JAZF1: variants seen among roughly 807,000 people sequenced by gnomAD.
JAZF1 encodes the protein JAZF zinc finger 1.
JAZF1 carries 8 observed loss-of-function variants against 26.4 expected under a neutral mutation model. That is an observed-to-expected ratio of 0.30 (90% confidence interval 0.18 to 0.55). JAZF1 has a LOEUF of 0.55. JAZF1 is among the 20% of genes least tolerant of loss of function. The pLI, the probability that JAZF1 is intolerant of heterozygous loss-of-function variation, is 0.94. For synonymous variants in JAZF1, 126 were observed against 122.3 expected (o/e 1.03, Z -0.20); for missense variants, 199 against 322.0 (o/e 0.62, Z 2.92).
At chr7:28,027,472 G>A (rs561456056) in intron 1 of JAZF1, among the ~76,000 whole-genome samples, 2 of 152,234 alleles carry the variant, frequency 1.3e-5, no homozygotes, top group African/African-American at 4.8e-5. Context: ...GTTACCATTG[G>A]CATATTGATA....
At chr7:27,930,078 C>T (rs1396065867) in intron 2 of JAZF1, among the ~76,000 whole-genome samples, 1 of 151,966 alleles carries the variant, frequency 6.6e-6, no homozygotes, top group Admixed American at 6.6e-5. Context: ...TCACTGCAAG[C>T]TCTGCCTCCC....
At chr7:27,974,635 G>T (rs1785436130) in intron 2 of JAZF1, among the ~76,000 whole-genome samples, 2 of 152,142 alleles carry the variant, frequency 1.3e-5, no homozygotes, top group Non-Finnish European at 2.9e-5. Context: ...TAAGTAGAGA[G>T]GCACATATTA....
chr7:27,988,276 G>C (rs1178546507), intron 2 of JAZF1, among the ~76,000 whole-genome samples: 1 of 151,844 alleles, frequency 6.6e-6, no homozygotes, highest in East Asian at 1.9e-4. Flanking sequence ...GGATATTTAG[G>C]TTAGGTCTAT....
chr7:27,842,703 T>C (rs1486198389), intron 3 of JAZF1: 1 of 152,248 alleles, frequency 6.6e-6, no homozygotes, highest in Non-Finnish European at 1.5e-5. Flanking sequence ...AGTAGGGCAT[T>C]GTTTAAGACA....
intron 1 of JAZF1, among the ~76,000 whole-genome samples, chr7:28,044,543 GA>G (rs1446129856): frequency 2.6e-5 from 4 of 152,124 alleles, no homozygotes; most frequent in African/African-American, 9.7e-5. Flanking sequence ...AAAATTTTAA[GA>G]GTCTGCCCAC....
At chr7:28,035,466 A>G (rs933718676) in intron 1 of JAZF1, among the ~76,000 whole-genome samples, 1 of 151,908 alleles carries the variant, frequency 6.6e-6, no homozygotes, top group Non-Finnish European at 1.5e-5. Flanking sequence ...AAAGAGATAG[A>G]GAGTATCATC....
chr7:28,082,050 A>G (rs535947164), intron 1 of JAZF1, among the ~76,000 whole-genome samples: 139 of 152,296 alleles, frequency 9.1e-4, no homozygotes, highest in African/African-American at 3.3e-3. Flanking sequence ...GATAACAATA[A>G]GTTTATTATT....
chr7:28,113,023 T>G (rs1450991525), intron 1 of JAZF1, among the ~76,000 whole-genome samples: 1 of 152,070 alleles, frequency 6.6e-6, no homozygotes, highest in South Asian at 2.1e-4. Flanking sequence ...GAATGGAGCC[T>G]GGAAAGATGA....
chr7:27,874,244 C>G (rs1783634305), intron 3 of JAZF1, among the ~76,000 whole-genome samples: 1 of 152,222 alleles, frequency 6.6e-6, no homozygotes, highest in South Asian at 2.1e-4. Context: ...GCTGAAGGAG[C>G]TGAGGCTGGG....
At chr7:27,993,418 C>T (rs995930038) in intron 1 of JAZF1, among the ~76,000 whole-genome samples, 8 of 152,138 alleles carry the variant, frequency 5.3e-5, no homozygotes, top group African/African-American at 1.9e-4. Flanking sequence ...ACAAAAAAAC[C>T]ACTCTTCACG....
At chr7:28,083,428 G>A (rs898680224) in intron 1 of JAZF1, among the ~76,000 whole-genome samples, 6 of 152,090 alleles carry the variant, frequency 3.9e-5, no homozygotes, top group African/African-American at 1.4e-4. Flanking sequence ...GAGTACCATG[G>A]GTTGCAGAAT....
intron 1 of JAZF1, among the ~76,000 whole-genome samples, chr7:28,029,391 G>C (rs773354456): frequency 1.3e-5 from 2 of 152,218 alleles, no homozygotes; most frequent in African/African-American, 2.4e-5. Context: ...TTTGTCTGTT[G>C]TAAGGAATTG....
At chr7:27,890,637 G>C (rs1364832224) in intron 3 of JAZF1, among the ~76,000 whole-genome samples, 1 of 152,152 alleles carries the variant, frequency 6.6e-6, no homozygotes, top group African/African-American at 2.4e-5. Context: ...TTTCTTATCT[G>C]TACATGGGAA....
chr7:28,113,388 G>C (rs1028876188), intron 1 of JAZF1, among the ~76,000 whole-genome samples: 1 of 152,126 alleles, frequency 6.6e-6, no homozygotes, highest in Non-Finnish European at 1.5e-5. Context: ...TGGGCTAGTG[G>C]TGAGGCTCTG....
At chr7:27,970,886 C>T (rs1274794599) in intron 2 of JAZF1, among the ~76,000 whole-genome samples, 1 of 152,042 alleles carries the variant, frequency 6.6e-6, no homozygotes, top group East Asian at 1.9e-4. Flanking sequence ...GGAAGCAGTC[C>T]ACAGGCTTCA....
intron 1 of JAZF1, among the ~76,000 whole-genome samples, chr7:28,022,370 C>G (rs1182745474): frequency 1.3e-5 from 2 of 152,204 alleles, no homozygotes; most frequent in African/African-American, 4.8e-5. Flanking sequence ...TTGGCACCAC[C>G]TTTTCCTGAC....
At chr7:28,064,680 A>T (rs1236222317) in intron 1 of JAZF1, among the ~76,000 whole-genome samples, 3 of 152,238 alleles carry the variant, frequency 2.0e-5, no homozygotes, top group Non-Finnish European at 4.4e-5. Context: ...AGATCTTATT[A>T]TCATCTAACT....
At chr7:27,869,993 C>T (rs763114154) in intron 3 of JAZF1, among the ~76,000 whole-genome samples, 16 of 151,956 alleles carry the variant, frequency 1.1e-4, no homozygotes, top group Admixed American at 1.3e-4. Context: ...ACTGCAACCT[C>T]TGCATCCTGG....
chr7:27,859,029 G>GA (rs1398882152), intron 3 of JAZF1, among the ~76,000 whole-genome samples: 12 of 151,896 alleles, frequency 7.9e-5, no homozygotes, highest in Non-Finnish European at 1.2e-4. Flanking sequence ...AAATTTACAA[G>GA]AAAAAAACAA....
Sources: gnomAD v4.1 joint callset for allele counts (sites outside exome capture counted in the v4.1 genomes callset) on GRCh38, gnomAD v4.1.1 for gene constraint, MANE v1.5 for transcripts, NCBI Gene and HGNC (gene_info 2026-07-23, HGNC 2026-07-21) for gene names.